The following ACE variants were observed in gnomAD, a reference collection of about 807,000 sequenced individuals.
ACE encodes the protein angiotensin-converting enzyme.
In ACE, 122 loss-of-function variants were observed where a neutral mutation model predicts 162.3. The observed-to-expected ratio is 0.75, with a 90% CI of 0.65 to 0.87. The LOEUF (loss-of-function observed/expected upper bound fraction) is 0.87, where lower values mean the gene tolerates loss of function less well. Ranked by LOEUF, ACE falls within the 40% of genes least tolerant of loss-of-function variation. The pLI, the probability that ACE is intolerant of heterozygous loss-of-function variation, is 0.00. For missense variants in ACE, 1,799 were observed against 1,735.1 expected, an observed-to-expected ratio of 1.04 and a Z score of -0.65; for synonymous variants, 796 against 720.6, an observed-to-expected ratio of 1.10 and a Z score of -1.68.
At chr17:63,490,773 A>G (rs1300600698) in intron 17 of ACE, 181 bp from the exon 18 acceptor site, 7 of 653,266 alleles carry the variant, frequency 1.1e-5, no homozygotes, top group East Asian at 2.8e-5. Context: ...GTAATGACCT[A>G]CTGGGCTGGA....
At chr17:63,488,545 T>TTTTTTTTTTTAGACGGA in intron 15 of ACE, 103 bp from the exon 16 acceptor site, 11 of 1,281,496 alleles carry the variant, frequency 8.6e-6, no homozygotes, top group South Asian at 6.1e-5. Context: ...GTCACTTTTA[T>TTTTTTTTTTTAGACGGA]GTGGTTTCGC....
chr17:63,487,683 AC>A (rs776007415), intron 15 of ACE, among the ~76,000 whole-genome samples: 18 of 151,588 alleles, frequency 1.2e-4, no homozygotes, highest in Non-Finnish European at 2.7e-4. Context: ...GAAAGAGCTC[AC>A]CCCCGACACA....
chr17:63,484,334 G>A lies in ACE; in HGVS notation c.1714G>A (p.Val572Met). The A allele has an allele frequency of 1.2e-6, 2 of 1,610,252 alleles. No individual in the cohort carries two copies. The highest frequency in any genetic ancestry group is 1.7e-6 in the Non-Finnish European group (2 of 1,179,670). The change falls in exon 12 of 25, where the codon GTG (valine) becomes ATG (methionine). Residue 572 changes from valine (V) to methionine (M), a missense_variant. Physicochemically the swap from Val to Met is conservative, Grantham distance 21. Coordinates refer to ENST00000290866, the MANE Select transcript of ACE (RefSeq NM_000789.4). This position sits in a 1 kb window ranked among gnomAD's most constrained non-coding sequence, Gnocchi z 4.0. ...STKAGAKLRK[V>M]LQAGSSRPWQ... ...GGTACCCACTCTGCCCACCAGGAAG[G>A]TGCTGCAGGCTGGCTCCTCCAGGCC...
At position 63,483,111 on chromosome 17, in the gene ACE, C is replaced by T. The variant is rs767165701; in HGVS notation, c.1425C>T (p.Arg475=). The T allele has an allele frequency of 6.2e-7, 1 of 1,614,152 alleles. No homozygotes were observed. Among genetic ancestry groups the T allele is most frequent in the South Asian group, 1.1e-5 (1 of 91,080 alleles). Residue 475 remains arginine (R), a synonymous_variant, in exon 9 of 25, where the codon CGC becomes CGT. Transcript: ENST00000290866. ...LPFGYLVDQW[R]WGVFSGRTPP... ...TTGGCTACTTGGTGGACCAGTGGCG[C>T]TGGGGGGTCTTTAGTGGGCGTACCC...
chr17:63,493,311 C>G (rs1458178270), intron 19 of ACE, 125 bp from the exon 20 acceptor site: 1 of 891,082 alleles, frequency 1.1e-6, no homozygotes, highest in South Asian at 1.5e-5. Context: ...CCCCACAGTG[C>G]TGTGTCCCCT....
chr17:63,481,143 C>T lies in ACE; in HGVS notation c.900C>T (p.Phe300=). 6.2e-7 allele frequency: 1 copy of T among 1,613,922 alleles called. No homozygotes were observed. Among genetic ancestry groups the T allele is most frequent in the East Asian group, 2.2e-5 (1 of 44,862 alleles). ...ACATCTACGACATGGTGGTGCCTTTCCCAGACAAGCCCAACCTCGATGTCA... is the reference window on the plus strand; with the variant it reads ...ACATCTACGACATGGTGGTGCCTTTTCCAGACAAGCCCAACCTCGATGTCA... The part of the protein sequence containing the change: ...WENIYDMVVP[F]PDKPNLDVTS... Residue 300 remains phenylalanine (F), a synonymous_variant, in exon 6 of 25, where the codon TTC becomes TTT. Coordinates refer to ENST00000290866, the MANE Select transcript of ACE (RefSeq NM_000789.4).
intron 9 of ACE, 82 bp from the exon 10 acceptor site, chr17:63,483,378 G>T: frequency 6.7e-7 from 1 of 1,483,062 alleles, no homozygotes; most frequent in South Asian, 1.1e-5. Flanking sequence ...GGGTTGCCGG[G>T]TGGAAATGCC....
chr17:63,488,368 A>AG (rs1235717917), intron 15 of ACE, among the ~76,000 whole-genome samples: 1 of 148,592 alleles, frequency 6.7e-6, no homozygotes, highest in Admixed American at 6.7e-5. Context: ...CAGAAAAAAA[A>AG]AAAAAAAAAA....
In ACE at chr17:63,497,301, C is replaced by T. The variant is rs4364; in HGVS notation, c.3856C>T (p.Arg1286Cys). The change falls in exon 25 of 25, where the codon CGC becomes TGC. Residue 1286 changes from arginine (R) to cysteine (C), a missense_variant. By Grantham distance (180) the Arg-to-Cys change is radical (BLOSUM62 -3). Transcript: ENST00000290866. The stretch of plus-strand genomic sequence containing the variant: ...CCAGCGGCTCTTCAGCATCCGCCAC[C>T]GCAGCCTCCACCGGCACTCCCACGG... Reference protein sequence around the residue: ...LSQRLFSIRHRSLHRHSHGPQ... With the variant: ...LSQRLFSIRHCSLHRHSHGPQ... 1.1e-5 allele frequency: 17 copies of T among 1,550,740 alleles called. No homozygotes were observed. The highest frequency in any genetic ancestry group is 2.0e-4 in the Middle Eastern group (1 of 4,988).
intron 22 of ACE, among the ~76,000 whole-genome samples, chr17:63,495,723 A>G (rs2030685726): frequency 6.6e-6 from 1 of 152,210 alleles, no homozygotes; most frequent in South Asian, 2.1e-4. Flanking sequence ...ACAATTCTCC[A>G]AACAGGGGTG....
Position 63,484,278 on chromosome 17 carries a change from G to A in ACE, c.1710-52G>A, listed in dbSNP as rs1224122277. On this transcript the variant is annotated intron_variant, in intron 11 of 24. Coordinates refer to ENST00000290866, the MANE Select transcript of ACE (RefSeq NM_000789.4). This position sits in a 1 kb window ranked among gnomAD's most constrained non-coding sequence, Gnocchi z 4.0. Reference sequence around the variant, plus strand: ...GGGGCATGTGGGCCGGGGTCCAGGAGCAGACTCCAGCCTGAGTCCCCTGTG... The same window carrying A: ...GGGGCATGTGGGCCGGGGTCCAGGAACAGACTCCAGCCTGAGTCCCCTGTG... The A allele has an allele frequency of 1.3e-6, 2 of 1,565,484 alleles. No homozygotes were observed. Among genetic ancestry groups the A allele is most frequent in the East Asian group, 2.3e-5 (1 of 42,840 alleles).
At chr17:63,494,182 G>A (rs1199435638) in intron 21 of ACE, 116 bp downstream of exon 21, 5 of 1,413,992 alleles carry the variant, frequency 3.5e-6, no homozygotes, top group South Asian at 1.2e-5. Context: ...ACACTATTGT[G>A]TCTGTGCATA....
chr17:63,481,546 G>T lies in ACE; in HGVS notation c.946-20G>T. On this transcript the variant is annotated intron_variant, in intron 6 of 24. Transcript: ENST00000290866. Reference sequence around the variant, plus strand: ...GCCAGAGTGGGCTCCCCCTGACCTGGCTCCACACCCCTCCTCCAGGGCTGG... The same window carrying T: ...GCCAGAGTGGGCTCCCCCTGACCTGTCTCCACACCCCTCCTCCAGGGCTGG... The T allele has an allele frequency of 6.2e-7, 1 of 1,613,240 alleles. No homozygotes were observed. The highest frequency in any genetic ancestry group is 1.1e-5 in the South Asian group (1 of 91,012).
chr17:63,485,092 G>A (rs780697826), intron 12 of ACE, 144 bp from the exon 13 acceptor site: 10 of 1,596,950 alleles, frequency 6.3e-6, no homozygotes, highest in Non-Finnish European at 8.5e-6. Context: ...GGAGGGGCAG[G>A]GTGCCAGGGG....
chr17:63,483,871 C>T lies in ACE; in HGVS notation c.1609C>T (p.Gln537Ter), dbSNP rs1460738029. The T allele has an allele frequency of 6.2e-7, 1 of 1,614,176 alleles. No individual in the cohort carries two copies. Among genetic ancestry groups the T allele is most frequent in the Non-Finnish European group, 8.5e-7 (1 of 1,180,040 alleles). Residue 537 changes from glutamine to a stop codon, truncating the protein, a stop_gained, in exon 11 of 25, where the codon CAG becomes TAG. Coordinates refer to ENST00000290866, the MANE Select transcript of ACE (RefSeq NM_000789.4). LOFTEE classifies it high-confidence loss of function. ...YIRYFVSFVL[Q>*]FQFHEALCKE... is the part of the protein sequence containing the mutation. ...CAGGTACTTTGTGAGTTTTGTCCTG[C>T]AGTTCCAGTTCCATGAAGCCCTGTG...
intron 2 of ACE, chr17:63,478,459 A>T (rs2049654779): frequency 3.0e-6 from 1 of 330,056 alleles, no homozygotes; most frequent in Non-Finnish European, 5.8e-6. Flanking sequence ...TGAGCCCAGG[A>T]GTTCAAGACC....
In ACE at chr17:63,488,971, C is replaced by G. The variant is rs200757344; in HGVS notation, c.2480C>G (p.Ser827Cys). The G allele has an allele frequency of 4.3e-6, 7 of 1,614,160 alleles. No individual in the cohort carries two copies. The East Asian group carries it at 1.6e-4, about 36-fold the overall frequency. Residue 827 changes from serine to cysteine, a missense_variant, in exon 17 of 25, where the codon TCT (serine) becomes TGT (cysteine). Physicochemically the swap from Ser to Cys is moderately radical, Grantham distance 112. Coordinates refer to ENST00000290866, the MANE Select transcript of ACE (RefSeq NM_000789.4). ...GTAGATGCAGGGGACTCGTGGAGGT[C>G]TATGTACGAGACACCATCCCTGGAG... ...GYVDAGDSWR[S>C]MYETPSLEQD...
Position 63,486,694 on chromosome 17 carries a change from G to A in ACE, c.2196G>A (p.Leu732=). Residue 732 remains leucine (L), a synonymous_variant, in exon 14 of 25, where the codon CTG becomes CTA. Transcript: ENST00000290866. ...TTCAGGACCTAGAACGGGCAGCACT[G>A]CCTGCCCAGGAGCTGGAGGAGGTGT... is the stretch of plus-strand genomic sequence containing the variant. The part of the protein sequence containing the change: ...KKVQDLERAA[L]PAQELEEYNK... 2.5e-6 allele frequency: 4 copies of A among 1,614,224 alleles called. No homozygotes were observed. Among genetic ancestry groups the A allele is most frequent in the Non-Finnish European group, 3.4e-6 (4 of 1,180,036 alleles).
chr17:63,481,315 G>A (rs2049705862), intron 6 of ACE, 127 bp downstream of exon 6: 4 of 972,834 alleles, frequency 4.1e-6, no homozygotes, highest in African/African-American at 3.2e-5. Flanking sequence ...GTCTGTAGGA[G>A]CAGTGAGCTG....
Sources: gnomAD v4.1 joint callset for allele counts (sites outside exome capture counted in the v4.1 genomes callset) on GRCh38, gnomAD v4.1.1 for gene constraint, Gnocchi (gnomAD v3.1) non-coding constraint, MANE v1.5 for transcripts, NCBI Gene and HGNC (gene_info 2026-07-23, HGNC 2026-07-21) for gene names.